Variants in CYFIP1 observed in about 807,000 individuals in gnomAD.
CYFIP1 encodes cytoplasmic FMR1-interacting protein 1.
CYFIP1 carries 58 observed loss-of-function variants against 163.5 expected under a neutral mutation model. The ratio of observed to expected loss-of-function variants is 0.35; its 90% CI spans 0.29 to 0.44. The LOEUF (loss-of-function observed/expected upper bound fraction) is 0.44, where lower values mean the gene tolerates loss of function less well. CYFIP1 is among the 20% of genes least tolerant of loss of function. The pLI, the probability that CYFIP1 is intolerant of heterozygous loss-of-function variation, is 1.00. For missense variants in CYFIP1, 1,338 were observed against 1,653.8 expected (o/e 0.81, Z 3.31); for synonymous variants, 663 against 660.7 (o/e 1.00, Z -0.05).
chr15:22,921,513 G>GA (rs1047507325), intron 13 of CYFIP1, among the ~76,000 whole-genome samples: 2 of 151,384 alleles, frequency 1.3e-5, no homozygotes, highest in Non-Finnish European at 2.9e-5. Context: ...GAATAACAAA[G>GA]AAAAAAAAGA....
chr15:22,974,410 C>A (rs2140274377), intron 1 of CYFIP1, among the ~76,000 whole-genome samples: 1 of 152,092 alleles, frequency 6.6e-6, no homozygotes, highest in Admixed American at 6.6e-5. Flanking sequence ...TACCCCATCT[C>A]CATTTAAAAA....
chr15:22,879,710 CA>C (rs2059694491), intron 26 of CYFIP1, among the ~76,000 whole-genome samples: 1 of 150,170 alleles, frequency 6.7e-6, no homozygotes, highest in Non-Finnish European at 1.5e-5. Flanking sequence ...ATTCTTGAGA[CA>C]GTGAACTACA....
At chr15:22,946,914 G>A (rs1257328846) in intron 3 of CYFIP1, 89 bp downstream of exon 3, 11 of 1,087,220 alleles carry the variant, frequency 1.0e-5, no homozygotes, top group Middle Eastern at 2.0e-4. Context: ...TCACTGCATA[G>A]TCTATTGGGA....
intron 7 of CYFIP1, 34 bp downstream of exon 7, chr15:22,939,377 C>T (rs1109036): frequency 0.27 from 443,388 of 1,613,528 alleles, 63,651 homozygotes; most frequent in Admixed American, 0.39. Context: ...GGCTGCTTGG[C>T]CCATCAACCT....
At chr15:22,898,855 T>C (rs2060310487) in intron 22 of CYFIP1, among the ~76,000 whole-genome samples, 1 of 151,744 alleles carries the variant, frequency 6.6e-6, no homozygotes, top group Non-Finnish European at 1.5e-5. Context: ...TACAAAAAAT[T>C]AGCCGGGCGT....
At chr15:22,963,561 A>AACAT (rs2062780086) in intron 1 of CYFIP1, among the ~76,000 whole-genome samples, 2 of 99,336 alleles carry the variant, frequency 2.0e-5, no homozygotes, top group African/African-American at 7.6e-5. Flanking sequence ...TAACATAAGA[A>AACAT]AGAATGAAAT....
intron 1 of CYFIP1, among the ~76,000 whole-genome samples, chr15:22,978,263 A>G (rs762456308): frequency 6.8e-6 from 1 of 147,338 alleles, no homozygotes; most frequent in Non-Finnish European, 1.5e-5. Context: ...GAGGTGGGAG[A>G]ACCACCTGAA....
intron 3 of CYFIP1, 154 bp downstream of exon 3, chr15:22,946,849 A>G: frequency 1.3e-6 from 1 of 753,848 alleles, no homozygotes; most frequent in Non-Finnish European, 2.3e-6. Context: ...CACTAAGAAA[A>G]GCAAAGACTG....
chr15:22,916,308 C>T (rs923174017), intron 16 of CYFIP1, among the ~76,000 whole-genome samples, 169 bp downstream of exon 16: 5 of 152,168 alleles, frequency 3.3e-5, no homozygotes, highest in Non-Finnish European at 4.4e-5. Flanking sequence ...CCCTGTGGAG[C>T]GAGCTCAGGC....
intron 25 of CYFIP1, among the ~76,000 whole-genome samples, chr15:22,881,378 G>C (rs546231858): frequency 1.3e-5 from 2 of 152,210 alleles, no homozygotes; most frequent in African/African-American, 4.8e-5. Flanking sequence ...CTATTTATTT[G>C]CATTGCCCCA....
In CYFIP1 at chr15:22,881,837, C is replaced by T. The variant is rs564014299; in HGVS notation, c.2911+9G>A. ...GACAGCACTGTGAGCTCCACACGCC[C>T]GCACTCACCAGGAGAGCCGTACTCG... On this transcript the variant is annotated intron_variant, in intron 25 of 30. Transcript: ENST00000617928. The T allele has an allele frequency of 3.5e-5, 56 of 1,608,630 alleles. 2 individuals are homozygous for T. The South Asian group carries it at 5.4e-4, about 15-fold the overall frequency.
At chr15:22,913,628 G>T (rs953410977) in intron 17 of CYFIP1, among the ~76,000 whole-genome samples, 16 of 43,638 alleles carry the variant, frequency 3.7e-4, no homozygotes, top group East Asian at 7.8e-4. Context: ...AAAAAAAAAA[G>T]AACAAAGGTG....
rs917170480 is a variant in CYFIP1 at position 22,928,043 on chromosome 15, C to A, written c.1111-15G>T. 4.0e-6 allele frequency: 6 copies of A among 1,505,306 alleles called. No individual in the cohort carries two copies. Among genetic ancestry groups the A allele is most frequent in the Non-Finnish European group, 5.3e-6 (6 of 1,132,156 alleles). 93.2% of individuals were successfully genotyped at this position (1,505,306 alleles called of 1,614,324 possible). On this transcript the variant is annotated splice_polypyrimidine_tract_variant and intron_variant, in intron 11 of 30. Transcript: ENST00000617928. ...CCCGTGACCACCTGCACAAGGCGGG[C>A]ACGGCCCCGTGAGAAACCAGCGCCC...
At chr15:22,920,411 A>G (rs1383497567) in intron 13 of CYFIP1, among the ~76,000 whole-genome samples, 1 of 152,138 alleles carries the variant, frequency 6.6e-6, no homozygotes, top group South Asian at 2.1e-4. Context: ...AAGGCTTCAC[A>G]CAGTCTCCCT....
chr15:22,958,275 G>A (rs917074436), intron 1 of CYFIP1, among the ~76,000 whole-genome samples: 4 of 151,948 alleles, frequency 2.6e-5, no homozygotes, highest in East Asian at 1.9e-4. Flanking sequence ...TAATAGAGAC[G>A]GGGTTTCACC....
At chr15:22,970,883 T>C (rs930777239) in intron 1 of CYFIP1, among the ~76,000 whole-genome samples, 2 of 151,918 alleles carry the variant, frequency 1.3e-5, no homozygotes, top group African/African-American at 2.4e-5. Flanking sequence ...GAGACCATCC[T>C]GGCTAACACG....
chr15:22,972,034 A>G lies in CYFIP1; in HGVS notation c.-7+8253T>C, dbSNP rs184311999. 2.0e-4 allele frequency among the ~76,000 whole-genome samples: 30 copies of G among 152,356 alleles called. No homozygotes were observed. In the East Asian group the frequency reaches 5.4e-3, roughly 27 times the overall value. On this transcript the variant is annotated intron_variant, in intron 1 of 30. Coordinates refer to ENST00000617928, the MANE Select transcript of CYFIP1 (RefSeq NM_014608.6). ...TACCTACCATATTCTTCATGCAAATAGAAAAAGAAATCCTAAAATTTGTGT... is the reference window on the plus strand; with the variant it reads ...TACCTACCATATTCTTCATGCAAATGGAAAAAGAAATCCTAAAATTTGTGT...
At chr15:22,920,912 T>C (rs1047692090) in intron 13 of CYFIP1, among the ~76,000 whole-genome samples, 2 of 152,166 alleles carry the variant, frequency 1.3e-5, no homozygotes, top group Non-Finnish European at 2.9e-5. Flanking sequence ...CAATCCTACA[T>C]ATTCACACTT....
Position 22,933,802 on chromosome 15 carries a change from C to T in CYFIP1, c.992G>A (p.Arg331Gln), listed in dbSNP as rs1259457217. Residue 331 changes from arginine to glutamine, a missense_variant and splice_region_variant, in exon 10 of 31, where the codon CGA (arginine) becomes CAA (glutamine). Arg to Gln is a conservative substitution (Grantham distance 43). Around this residue, in one of 4 missense-constraint regions of CYFIP1, gnomAD observed 824 missense variants for 995.7 expected, o/e 0.83. Coordinates refer to ENST00000617928, the MANE Select transcript of CYFIP1 (RefSeq NM_014608.6). ...CCAGGCAGCTTTCCTCTCCTCCTAC[C>T]GAGATTTATTTTCCTCGTAGTGGGC... The part of the protein sequence containing the change: ...TSAHYEENKS[R>Q]WTCTSSGSSP... 2 of 1,611,596 alleles carry T rather than the reference C, an allele frequency of 1.2e-6. No individual in the cohort carries two copies. The highest frequency in any genetic ancestry group is 8.5e-7 in the Non-Finnish European group (1 of 1,178,736).
Sources: gnomAD v4.1 joint callset for allele counts (sites outside exome capture counted in the v4.1 genomes callset) on GRCh38, gnomAD v4.1.1 for gene constraint, gnomAD v4.1.1 regional missense constraint, MANE v1.5 for transcripts, NCBI Gene and HGNC (gene_info 2026-07-23, HGNC 2026-07-21) for gene names.